DGKK: variants seen among roughly 807,000 people sequenced by gnomAD.
DGKK encodes diacylglycerol kinase kappa, also known as 142 kDa diacylglycerol kinase.
In DGKK, 35 loss-of-function variants were observed where a neutral mutation model predicts 92.2. The ratio of observed to expected loss-of-function variants is 0.38; its 90% CI spans 0.29 to 0.50. The LOEUF is 0.50. Ranked by LOEUF, DGKK falls within the 20% of genes least tolerant of loss-of-function variation. The pLI, the probability that DGKK is intolerant of heterozygous loss-of-function variation, is 0.92. For missense variants in DGKK, 910 were observed against 992.2 expected (o/e 0.92, Z 1.11); for synonymous variants, 368 against 360.6 (o/e 1.02, Z -0.23).
rs1557222486 is a variant in DGKK, at chrX:50,366,330, C to A, written c.*2610G>T. 1.8e-5 allele frequency: 2 copies of A among 111,558 alleles called. No homozygotes were observed. Among genetic ancestry groups the A allele is most frequent in the Admixed American group, 9.5e-5 (1 of 10,475 alleles). The allele number at this position is 111,558 out of a possible 1,213,427, so 9.2% of individuals were successfully genotyped here. ...GGTAACTTAGCAATTTAGGAGGTAA[C>A]TGAGGGATTGAGCAAGCCACACCTG... On this transcript the variant is annotated 3_prime_UTR_variant, in exon 28 of 28. Coordinates refer to ENST00000611977, the MANE Select transcript of DGKK (RefSeq NM_001013742.4).
At chrX:50,461,304 C>T (rs1168172282) in intron 1 of DGKK, among the ~76,000 whole-genome samples, 2 of 111,961 alleles carry the variant, frequency 1.8e-5, no homozygotes, top group Admixed American at 9.5e-5. Flanking sequence ...AATAATTAAG[C>T]GTGTGGGGCT....
chrX:50,440,383 C>T (rs150688216), intron 1 of DGKK, among the ~76,000 whole-genome samples: 49 of 111,578 alleles, frequency 4.4e-4, no homozygotes, highest in African/African-American at 1.4e-3. Context: ...CCAACAATGA[C>T]GAGCAGGGTT....
intron 18 of DGKK, among the ~76,000 whole-genome samples, chrX:50,381,337 A>G (rs1924409284): frequency 9.0e-6 from 1 of 111,359 alleles, no homozygotes; most frequent in African/African-American, 3.3e-5. Flanking sequence ...GCATGGTATC[A>G]TGCACCAGTA....
intron 1 of DGKK, among the ~76,000 whole-genome samples, chrX:50,427,952 G>A (rs1925790650): frequency 9.0e-6 from 1 of 111,012 alleles, no homozygotes; most frequent in Non-Finnish European, 1.9e-5. Context: ...GCATAAGTAT[G>A]TGGAATATTC....
At chrX:50,412,873 C>T (rs1925338470) in intron 4 of DGKK, among the ~76,000 whole-genome samples, 1 of 111,570 alleles carries the variant, frequency 9.0e-6, no homozygotes, top group African/African-American at 3.3e-5. Flanking sequence ...TGGTACCAGT[C>T]CATGGCCTAT....
intron 1 of DGKK, among the ~76,000 whole-genome samples, chrX:50,450,626 T>C (rs1926473966): frequency 8.9e-6 from 1 of 112,256 alleles, no homozygotes; most frequent in African/African-American, 3.2e-5. Context: ...AGTGTATACA[T>C]GACTATCCCT....
chrX:50,442,257 G>A (rs1231205217), intron 1 of DGKK, among the ~76,000 whole-genome samples: 2 of 111,559 alleles, frequency 1.8e-5, no homozygotes, highest in African/African-American at 6.5e-5. Context: ...AGTCACTCAG[G>A]TTTATGTAAC....
At chrX:50,452,284 TAG>T (rs1557232526) in intron 1 of DGKK, among the ~76,000 whole-genome samples, 4 of 111,859 alleles carry the variant, frequency 3.6e-5, no homozygotes, top group African/African-American at 1.3e-4. Flanking sequence ...TTTCTGTAGG[TAG>T]AAGCAAATCT....
intron 1 of DGKK, among the ~76,000 whole-genome samples, chrX:50,426,193 C>T (rs1319046111): frequency 8.9e-6 from 1 of 111,738 alleles, no homozygotes; most frequent in Non-Finnish European, 1.9e-5. Flanking sequence ...GTCCCCTGTA[C>T]CAGCTCATTT....
chrX:50,408,671 C>A (rs1557227567), intron 4 of DGKK, among the ~76,000 whole-genome samples: 1 of 111,773 alleles, frequency 8.9e-6, no homozygotes, highest in African/African-American at 3.3e-5. Context: ...GCATGAGCCA[C>A]CGCGCCCGGC....
intron 1 of DGKK, among the ~76,000 whole-genome samples, chrX:50,447,876 T>G (rs1448664932): frequency 1.8e-5 from 2 of 110,561 alleles, no homozygotes; most frequent in African/African-American, 6.6e-5. Flanking sequence ...TCAATTATTT[T>G]TTTTAAAAAA....
intron 1 of DGKK, among the ~76,000 whole-genome samples, chrX:50,450,192 C>T (rs1419369292): frequency 3.6e-5 from 4 of 112,323 alleles, no homozygotes; most frequent in African/African-American, 1.3e-4. Context: ...CTGACTAGAA[C>T]GGTCTGCACA....
intron 4 of DGKK, among the ~76,000 whole-genome samples, chrX:50,410,315 A>G (rs1444447960): frequency 8.9e-6 from 1 of 112,006 alleles, no homozygotes. Flanking sequence ...AGCAATCATG[A>G]ACAGAATTTT....
intron 1 of DGKK, among the ~76,000 whole-genome samples, chrX:50,434,656 A>G (rs2147141532): frequency 9.1e-6 from 1 of 110,155 alleles, no homozygotes. Flanking sequence ...GGGACCATGT[A>G]CTGCAAATGA....
At chrX:50,466,599 A>G (rs1428538589) in intron 1 of DGKK, among the ~76,000 whole-genome samples, 1 of 111,792 alleles carries the variant, frequency 8.9e-6, no homozygotes, top group African/African-American at 3.3e-5. Context: ...TCTGAAACCA[A>G]TGAGAACAAA....
chrX:50,406,232 G>A (rs1925151497), intron 4 of DGKK, among the ~76,000 whole-genome samples: 1 of 111,770 alleles, frequency 8.9e-6, no homozygotes, highest in African/African-American at 3.3e-5. Flanking sequence ...AGAATACAAA[G>A]GAATAGGTAA....
intron 25 of DGKK, among the ~76,000 whole-genome samples, chrX:50,374,698 T>G (rs1924225687): frequency 9.0e-6 from 1 of 111,143 alleles, no homozygotes; most frequent in Non-Finnish European, 1.9e-5. Flanking sequence ...ACGGTAACAC[T>G]CTACTTTTTA....
intron 4 of DGKK, among the ~76,000 whole-genome samples, chrX:50,413,068 T>C (rs1358395370): frequency 9.0e-6 from 1 of 110,831 alleles, no homozygotes; most frequent in Non-Finnish European, 1.9e-5. Flanking sequence ...TGCCTGATGA[T>C]CTGAGGTGGA....
intron 1 of DGKK, among the ~76,000 whole-genome samples, chrX:50,439,136 G>T (rs1049937446): frequency 2.7e-5 from 3 of 111,479 alleles, no homozygotes; most frequent in African/African-American, 9.7e-5. Context: ...CAATGAAAAA[G>T]GTATTCTCAA....
Sources: gnomAD v4.1 joint callset for allele counts (sites outside exome capture counted in the v4.1 genomes callset) on GRCh38, gnomAD v4.1.1 for gene constraint, MANE v1.5 for transcripts, NCBI Gene and HGNC (gene_info 2026-07-23, HGNC 2026-07-21) for gene names.